Variants in VKORC1L1 observed in about 807,000 individuals in gnomAD.
VKORC1L1 encodes the protein vitamin K epoxide reductase complex subunit 1-like protein 1.
Under a neutral mutation model 18.9 loss-of-function variants are expected in VKORC1L1, and 2 were observed. That is an observed-to-expected ratio of 0.11 (90% CI 0.04 to 0.33). The LOEUF is 0.33. Ranked by LOEUF, VKORC1L1 falls within the 10% of genes least tolerant of loss-of-function variation. The pLI, the probability that VKORC1L1 is intolerant of heterozygous loss-of-function variation, is 1.00. For synonymous variants in VKORC1L1, 96 were observed against 100.0 expected (o/e 0.96, Z 0.24); for missense variants, 123 against 224.1 (o/e 0.55, Z 2.88).
rs914239664 is a variant in VKORC1L1, at chr7:65,934,994, C to A, written c.195-13677C>A. Among the ~76,000 whole-genome samples the A allele has an allele frequency of 9.5e-5, 14 of 146,790 alleles. No homozygotes were observed. The East Asian group carries it at 2.6e-3, about 28-fold the overall frequency. ...ACTTGAACCCGGGAGGTGGATGTTG[C>A]AGTGAGTGGAGATCGCACCACTGCA... On this transcript the variant is annotated intron_variant, in intron 1 of 2. Coordinates refer to ENST00000360768, the MANE Select transcript of VKORC1L1 (RefSeq NM_173517.6).
intron 1 of VKORC1L1, among the ~76,000 whole-genome samples, chr7:65,919,363 A>G (rs1789638813): frequency 6.6e-6 from 1 of 152,228 alleles, no homozygotes; most frequent in African/African-American, 2.4e-5. Flanking sequence ...GCAAATTCAT[A>G]TATCCATTTG....
chr7:65,866,726 A>AT, the VKORC1L1 span, among the ~76,000 whole-genome samples: 3 of 152,116 alleles, frequency 2.0e-5, no homozygotes, highest in Non-Finnish European at 4.4e-5. Flanking sequence ...CCTGAGTGAC[A>AT]TAGTGAGACC....
Position 65,889,515 on chromosome 7 carries a change from G to A in VKORC1L1, c.194+15950G>A, listed in dbSNP as rs957183621. On this transcript the variant is annotated intron_variant, in intron 1 of 2. Transcript: ENST00000360768. ...CCAGGCCCCATTGATTGTTTTTCAC[G>A]TTCTTTTATTGTGAACTATAACTTA... Among the ~76,000 whole-genome samples the A allele has an allele frequency of 3.9e-5, 6 of 151,976 alleles. 1 individual carries two copies. In the South Asian group the frequency reaches 6.2e-4, roughly 16 times the overall value.
At chr7:65,875,644 C>G (rs1788814982) in intron 1 of VKORC1L1, among the ~76,000 whole-genome samples, 1 of 151,840 alleles carries the variant, frequency 6.6e-6, no homozygotes. Context: ...GTCTCGATCT[C>G]CTGACCTCGT....
At chr7:65,870,672 A>T (rs1562976087), upstream of VKORC1L1, among the ~76,000 whole-genome samples, 3 of 152,250 alleles carry the variant, frequency 2.0e-5, no homozygotes, top group South Asian at 6.2e-4. Context: ...GAAAGAAGCC[A>T]GATGATCAAG....
At chr7:65,878,995 C>T (rs1226495814) in intron 1 of VKORC1L1, among the ~76,000 whole-genome samples, 1 of 152,196 alleles carries the variant, frequency 6.6e-6, no homozygotes, top group African/African-American at 2.4e-5. Flanking sequence ...AGTGAAAAGT[C>T]TCCTTCATAT....
rs955797972 is a variant in VKORC1L1, at chr7:65,955,540, T to G, written c.*1240T>G. The G allele has an allele frequency of 1.3e-5, 2 of 152,364 alleles. No individual in the cohort carries two copies. Among genetic ancestry groups the G allele is most frequent in the East Asian group, 3.9e-4 (2 of 5,190 alleles). 9.4% of individuals were successfully genotyped at this position (152,364 alleles called of 1,614,324 possible). On this transcript the variant is annotated 3_prime_UTR_variant, in exon 3 of 3. Transcript: ENST00000360768. ...GACACACATGCAGTAAGAAGACTTT[T>G]GTAAGGGGATTTGAGTACACCCAAA... is the stretch of plus-strand genomic sequence containing the variant.
the VKORC1L1 span, among the ~76,000 whole-genome samples, chr7:65,866,213 A>G: frequency 6.6e-6 from 1 of 152,164 alleles, no homozygotes; most frequent in East Asian, 1.9e-4. Context: ...AGAAGTATAA[A>G]CATTCATAGG....
intron 1 of VKORC1L1, among the ~76,000 whole-genome samples, chr7:65,880,163 T>G (rs1357031469): frequency 1.3e-5 from 2 of 152,186 alleles, no homozygotes; most frequent in Non-Finnish European, 1.5e-5. Context: ...CTTTTACCAC[T>G]ACTTTAAATT....
At chr7:65,878,764 G>C (rs1389548205) in intron 1 of VKORC1L1, among the ~76,000 whole-genome samples, 1 of 151,794 alleles carries the variant, frequency 6.6e-6, no homozygotes, top group Non-Finnish European at 1.5e-5. Context: ...AAATTAGCCA[G>C]ACATGGTGGC....
At chr7:65,938,709 G>T (rs1583861208) in intron 1 of VKORC1L1, among the ~76,000 whole-genome samples, 1 of 152,198 alleles carries the variant, frequency 6.6e-6, no homozygotes, top group Admixed American at 6.5e-5. Context: ...GTGCTGCCAA[G>T]GAAGCATCAT....
intron 1 of VKORC1L1, among the ~76,000 whole-genome samples, chr7:65,876,684 C>G (rs1346710708): frequency 6.6e-6 from 1 of 152,108 alleles, no homozygotes; most frequent in Non-Finnish European, 1.5e-5. Flanking sequence ...TTCCACCTCT[C>G]CCAGTTCTTA....
intron 1 of VKORC1L1, among the ~76,000 whole-genome samples, chr7:65,938,820 A>G (rs1389398832): frequency 6.6e-6 from 1 of 152,218 alleles, no homozygotes; most frequent in Non-Finnish European, 1.5e-5. Context: ...GAAACAGCCG[A>G]GTCCGGGGAG....
rs909530588 is a variant in VKORC1L1 at position 65,954,639 on chromosome 7, A to C, written c.*339A>C. The C allele has an allele frequency of 3.0e-6, 1 of 338,676 alleles. No homozygotes were observed. Among genetic ancestry groups the C allele is most frequent in the African/African-American group, 2.1e-5 (1 of 47,214 alleles). The allele number at this position is 338,676 out of a possible 1,614,324, so 21.0% of individuals were successfully genotyped here. On this transcript the variant is annotated 3_prime_UTR_variant, in exon 3 of 3. Coordinates refer to ENST00000360768, the MANE Select transcript of VKORC1L1 (RefSeq NM_173517.6). ...TTGCTAGTAATTCTTTAATGTGTAT[A>C]AATTCAATTTCAGGTATAACAAATG...
intron 1 of VKORC1L1, among the ~76,000 whole-genome samples, chr7:65,928,910 G>A (rs751434008): frequency 6.6e-6 from 1 of 152,104 alleles, no homozygotes; most frequent in Non-Finnish European, 1.5e-5. Context: ...TATTTATTTT[G>A]TTATGTTTAT....
chr7:65,899,019 T>C (rs34974928), intron 1 of VKORC1L1, among the ~76,000 whole-genome samples: 19,308 of 152,256 alleles, frequency 0.13, 1,381 homozygotes, highest in Middle Eastern at 0.21. Context: ...TATCCATTTT[T>C]AAAAGAGCAC....
intron 1 of VKORC1L1, among the ~76,000 whole-genome samples, chr7:65,909,688 CTTTGTGTGTGTGTGTGTGTGTG>C (rs1789468215): frequency 1.2e-5 from 1 of 81,080 alleles, no homozygotes; most frequent in African/African-American, 5.9e-5. Context: ...TTGTTTTAGC[CTTTGTGTGTGTGTGTGTGTGTG>C]TGTGTGTGTG....
At chr7:65,866,687 AT>A in the VKORC1L1 span, among the ~76,000 whole-genome samples, 1 of 152,216 alleles carries the variant, frequency 6.6e-6, no homozygotes, top group Non-Finnish European at 1.5e-5. Flanking sequence ...AGGCAGGAGC[AT>A]CACTTGAGCC....
intron 1 of VKORC1L1, among the ~76,000 whole-genome samples, chr7:65,906,706 G>A (rs1583839593): frequency 6.6e-6 from 1 of 152,160 alleles, no homozygotes; most frequent in Non-Finnish European, 1.5e-5. Flanking sequence ...ATGGTAATAA[G>A]CAGAGTCCGT....
Sources: gnomAD v4.1 joint callset for allele counts (sites outside exome capture counted in the v4.1 genomes callset) on GRCh38, gnomAD v4.1.1 for gene constraint, MANE v1.5 for transcripts, NCBI Gene and HGNC (gene_info 2026-07-23, HGNC 2026-07-21) for gene names.